The following CALML4 variants were observed in gnomAD, a reference collection of about 807,000 sequenced individuals.
The protein encoded by CALML4 is calmodulin like 4.
CALML4 carries 16 observed loss-of-function variants against 17.9 expected under a neutral mutation model. The ratio of observed to expected loss-of-function variants is 0.89; its 90% CI spans 0.61 to 1.36. The LOEUF is 1.36. Ranked by LOEUF, CALML4 falls within the 40% of genes most tolerant of loss-of-function variation. CALML4 has a pLI of 0.00. For missense variants in CALML4, 203 were observed against 194.8 expected (o/e 1.04, Z -0.25); for synonymous variants, 86 against 71.5 (o/e 1.20, Z -1.02).
chr15:68,196,423 C>T (rs1042201626), intron 4 of CALML4, among the ~76,000 whole-genome samples: 8 of 152,188 alleles, frequency 5.3e-5, no homozygotes, highest in Non-Finnish European at 1.0e-4. Flanking sequence ...CAAACCACAG[C>T]CTCAAAGCTC....
At position 68,205,079 on chromosome 15, in the gene CALML4, A is replaced by G. The variant is rs777257380; in HGVS notation, c.34+42T>C. 4.3e-6 allele frequency: 7 copies of G among 1,610,394 alleles called. No homozygotes were observed. Among genetic ancestry groups the G allele is most frequent in the African/African-American group, 4.0e-5 (3 of 74,936 alleles). On this transcript the variant is annotated intron_variant, in intron 2 of 4. Transcript: ENST00000467889. This position sits in a 1 kb window ranked among gnomAD's most constrained non-coding sequence, Gnocchi z 4.8. ...CAGAGCAAATTGCCTAATGAGACCC[A>G]TATTTTGCTGAGTTGCTAATCAAAG...
At position 68,204,491 on chromosome 15, in the gene CALML4, G is replaced by A. The variant is rs985301281; in HGVS notation, c.34+630C>T. 3.3e-5 allele frequency among the ~76,000 whole-genome samples: 5 copies of A among 152,172 alleles called. No homozygotes were observed. The highest frequency in any genetic ancestry group is 9.7e-5 in the African/African-American group (4 of 41,434). On this transcript the variant is annotated intron_variant, in intron 2 of 4. Transcript: ENST00000467889. This position sits in a 1 kb window ranked among gnomAD's most constrained non-coding sequence, Gnocchi z 6.0. ...GGGGCTGCAGCCATGAGGCTCCCCT[G>A]GCTCAGGTCTGGGCCCCCAAGTTCT...
Position 68,193,988 on chromosome 15 carries a change from C to T in CALML4, c.*27G>A, listed in dbSNP as rs751947111. 9.2e-6 allele frequency: 14 copies of T among 1,528,658 alleles called. No individual in the cohort carries two copies. Among genetic ancestry groups the T allele is most frequent in the Non-Finnish European group, 1.1e-5 (12 of 1,105,914 alleles). The allele number at this position is 1,528,658 out of a possible 1,614,324, so 94.7% of individuals were successfully genotyped here. ...ATTAATTGCTCCAAGTTTTCAGGCC[C>T]AGGGGAGGCTCTCCCATTCTCCTCC... On this transcript the variant is annotated 3_prime_UTR_variant, in exon 5 of 5. Coordinates refer to ENST00000467889, the MANE Select transcript of CALML4 (RefSeq NM_033429.3).
chr15:68,194,097 C>G lies in CALML4; in HGVS notation c.380G>C (p.Arg127Thr), dbSNP rs1249353867. 2 of 1,612,564 alleles carry G rather than the reference C, an allele frequency of 1.2e-6. No homozygotes were observed. Among genetic ancestry groups the G allele is most frequent in the Non-Finnish European group, 1.7e-6 (2 of 1,178,736 alleles). The part of the protein sequence containing the change: ...LTHKEVDDLF[R>T]EADIEPNGKV... The stretch of plus-strand genomic sequence containing the variant: ...GCCATTGGGTTCGATATCTGCTTCC[C>G]TGAAGAGATCATCCACTGCAATAAA... The change falls in exon 5 of 5, where the codon AGG (arginine) becomes ACG (threonine). Residue 127 changes from arginine to threonine, a missense_variant. Physicochemically the swap from Arg to Thr is moderately conservative, Grantham distance 71 (BLOSUM62 -1). Transcript: ENST00000467889.
chr15:68,203,391 A>T (rs1193342612), intron 2 of CALML4, among the ~76,000 whole-genome samples: 1 of 152,240 alleles, frequency 6.6e-6, no homozygotes, highest in East Asian at 1.9e-4. Context: ...TCTACTGTTA[A>T]ACTATTTCTC....
At chr15:68,196,467 C>T (rs944567122) in intron 4 of CALML4, among the ~76,000 whole-genome samples, 4 of 152,190 alleles carry the variant, frequency 2.6e-5, no homozygotes, top group Admixed American at 6.5e-5. Flanking sequence ...TAACCAGAGA[C>T]GGAAAGTCCG....
chr15:68,197,539 C>T lies in CALML4; in HGVS notation c.265G>A (p.Ala89Thr), dbSNP rs2093149761. Residue 89 changes from alanine to threonine, a missense_variant, in exon 4 of 5, where the codon GCC becomes ACC. By Grantham distance (58) the Ala-to-Thr change is moderately conservative (BLOSUM62 0). Transcript: ENST00000467889. The surrounding 1 kb of genome is among the most constrained non-coding windows in gnomAD (Gnocchi z 4.1). Reference sequence around the variant, plus strand: ...TTCTCCTTGTCCACCATCAACATGGCTAGAAGAATTTCTTTCTTTGGGTCT... The same window carrying T: ...TTCTCCTTGTCCACCATCAACATGGTTAGAAGAATTTCTTTCTTTGGGTCT... ...QEDPKKEILL[A>T]MLMVDKEKKG... 6.2e-7 allele frequency: 1 copy of T among 1,614,028 alleles called. No homozygotes were observed. Among genetic ancestry groups the T allele is most frequent in the African/African-American group, 1.3e-5 (1 of 74,912 alleles).
chr15:68,193,947 A>C lies in CALML4; in HGVS notation c.*68T>G. 1 of 1,154,282 alleles carries C rather than the reference A, an allele frequency of 8.7e-7. No homozygotes were observed. Among genetic ancestry groups the C allele is most frequent in the Non-Finnish European group, 1.3e-6 (1 of 774,186 alleles). 71.5% of individuals were successfully genotyped at this position (1,154,282 alleles called of 1,614,324 possible). On this transcript the variant is annotated 3_prime_UTR_variant, in exon 5 of 5. Coordinates refer to ENST00000467889, the MANE Select transcript of CALML4 (RefSeq NM_033429.3). The stretch of plus-strand genomic sequence containing the variant: ...TTGCCATCTCTCCCAAGTGAAAAGA[A>C]CACTTTTTAAAAAAAATTAATTGCT...
Position 68,197,739 on chromosome 15 carries a change from A to C in CALML4, c.176-111T>G. On this transcript the variant is annotated intron_variant, in intron 3 of 4. Transcript: ENST00000467889. The surrounding 1 kb of genome is among the most constrained non-coding windows in gnomAD (Gnocchi z 4.1). ...CGGTTCAAGGTCAACTGACCAGGGA[A>C]TGCCAGGATGTGGCAGTGGTCACAG... The C allele has an allele frequency of 1.1e-6, 1 of 939,498 alleles. No homozygotes were observed. The highest frequency in any genetic ancestry group is 1.6e-6 in the Non-Finnish European group (1 of 621,776). 58.2% of individuals were successfully genotyped at this position (939,498 alleles called of 1,614,324 possible).
At position 68,200,438 on chromosome 15, in the gene CALML4, G is replaced by A. The variant is rs1323527292; in HGVS notation, c.35-757C>T. Among the ~76,000 whole-genome samples the A allele has an allele frequency of 6.6e-6, 1 of 152,216 alleles. No individual in the cohort carries two copies. The highest frequency in any genetic ancestry group is 1.5e-5 in the Non-Finnish European group (1 of 68,044). On this transcript the variant is annotated intron_variant, in intron 2 of 4. Transcript: ENST00000467889. This position sits in a 1 kb window ranked among gnomAD's most constrained non-coding sequence, Gnocchi z 4.3. ...TTCTCCTTCGGTACTTGGTGGAGGTGGAAGGCAGCCGGAGCTAGCTCCCCT... is the reference window on the plus strand; with the variant it reads ...TTCTCCTTCGGTACTTGGTGGAGGTAGAAGGCAGCCGGAGCTAGCTCCCCT...
At chr15:68,205,744 G>A (rs1185741528), upstream of CALML4, 1 of 268,368 alleles carries the variant, frequency 3.7e-6, no homozygotes, top group Non-Finnish European at 7.4e-6. The surrounding 1 kb of genome is among the most constrained non-coding windows in gnomAD (Gnocchi z 4.8). Flanking sequence ...GGGCTCGCAG[G>A]CTTGGGGCTC....
At chr15:68,201,935 A>G (rs924860476) in intron 2 of CALML4, among the ~76,000 whole-genome samples, 2 of 152,002 alleles carry the variant, frequency 1.3e-5, no homozygotes, top group African/African-American at 2.4e-5. Flanking sequence ...GCCCTCTAAC[A>G]TACTAGCACA....
chr15:68,193,672 G>C lies in CALML4; in HGVS notation c.*343C>G, dbSNP rs960751267. The C allele has an allele frequency of 3.1e-5, 7 of 227,474 alleles. No individual in the cohort carries two copies. The highest frequency in any genetic ancestry group is 5.2e-5 in the Non-Finnish European group (6 of 114,790). 14.1% of individuals were successfully genotyped at this position (227,474 alleles called of 1,614,324 possible). ...TAAGAAGTGGGAATCCAGCTTGTGTGGGGGGGCTTTGAGGAGTGAAATGAT... is the reference window on the plus strand; with the variant it reads ...TAAGAAGTGGGAATCCAGCTTGTGTCGGGGGGCTTTGAGGAGTGAAATGAT... On this transcript the variant is annotated 3_prime_UTR_variant, in exon 5 of 5. Coordinates refer to ENST00000467889, the MANE Select transcript of CALML4 (RefSeq NM_033429.3).
In CALML4 at chr15:68,194,127, A is replaced by G; in HGVS notation, c.365-15T>C. On this transcript the variant is annotated splice_polypyrimidine_tract_variant and intron_variant, in intron 4 of 4. Coordinates refer to ENST00000467889, the MANE Select transcript of CALML4 (RefSeq NM_033429.3). Reference sequence around the variant, plus strand: ...GAGATCATCCACTGCAATAAATCACATTTAATTTTTCAGTTTGGCTTTAGT... The same window carrying G: ...GAGATCATCCACTGCAATAAATCACGTTTAATTTTTCAGTTTGGCTTTAGT... 1 of 1,602,908 alleles carries G rather than the reference A, an allele frequency of 6.2e-7. No individual in the cohort carries two copies.
upstream of CALML4, chr15:68,205,729 C>A (rs577679574): frequency 3.6e-6 from 1 of 278,328 alleles, no homozygotes; most frequent in Admixed American, 4.5e-5. The surrounding 1 kb of genome is among the most constrained non-coding windows in gnomAD (Gnocchi z 4.8). Flanking sequence ...CAGAGATGGG[C>A]ACCGGGGCTC....
In CALML4 at chr15:68,199,662, G is replaced by A; in HGVS notation, c.54C>T (p.Ser18=). The A allele has an allele frequency of 1.2e-6, 2 of 1,613,230 alleles. No homozygotes were observed. Among genetic ancestry groups the A allele is most frequent in the South Asian group, 1.1e-5 (1 of 91,056 alleles). The change falls in exon 3 of 5, where the codon TCC becomes TCT. Residue 18 remains serine, a synonymous_variant. Transcript: ENST00000467889. ...DQINEYKECF[S]LYDKQQRGKI... ...TCCCCCTCTGCTGCTTGTCATACAG[G>A]GAGAAGCATTCCTTGTACTCTGCAC...
At chr15:68,203,858 A>T (rs917229295) in intron 2 of CALML4, among the ~76,000 whole-genome samples, 3 of 151,938 alleles carry the variant, frequency 2.0e-5, no homozygotes, top group Non-Finnish European at 2.9e-5. Flanking sequence ...ACTGGTGGCC[A>T]CTTTCTTGGT....
chr15:68,205,037 C>T lies in CALML4; in HGVS notation c.34+84G>A, dbSNP rs2093177453. On this transcript the variant is annotated intron_variant, in intron 2 of 4. Coordinates refer to ENST00000467889, the MANE Select transcript of CALML4 (RefSeq NM_033429.3). This position sits in a 1 kb window ranked among gnomAD's most constrained non-coding sequence, Gnocchi z 4.8. ...GCTCTCCCACAGCCACCTTCCTTCC[C>T]ACCAAGAAAACATGAGCAGAGCAAA... is the stretch of plus-strand genomic sequence containing the variant. 1 of 1,524,924 alleles carries T rather than the reference C, an allele frequency of 6.6e-7. No homozygotes were observed. The highest frequency in any genetic ancestry group is 9.1e-7 in the Non-Finnish European group (1 of 1,103,432). 94.5% of individuals were successfully genotyped at this position (1,524,924 alleles called of 1,614,324 possible). A position where few individuals can be genotyped will look rare whatever the true frequency, so the allele number is the denominator to read the frequency against.
chr15:68,191,899 G>C lies in CALML4; in HGVS notation c.*2116C>G, dbSNP rs192986031. On this transcript the variant is annotated 3_prime_UTR_variant, in exon 5 of 5. Transcript: ENST00000467889. Reference sequence around the variant, plus strand: ...GAATCCCTTAATGAGCAGGGAGTCCGTGAAGAGGAGCCCCAGGTTCTAATG... The same window carrying C: ...GAATCCCTTAATGAGCAGGGAGTCCCTGAAGAGGAGCCCCAGGTTCTAATG... 2 of 152,194 alleles carry C rather than the reference G, an allele frequency of 1.3e-5. No homozygotes were observed. The highest frequency in any genetic ancestry group is 2.9e-5 in the Non-Finnish European group (2 of 68,028). The allele number at this position is 152,194 out of a possible 1,614,324, so 9.4% of individuals were successfully genotyped here.
Sources: gnomAD v4.1 joint callset for allele counts (sites outside exome capture counted in the v4.1 genomes callset) on GRCh38, gnomAD v4.1.1 for gene constraint, Gnocchi (gnomAD v3.1) non-coding constraint, MANE v1.5 for transcripts, NCBI Gene and HGNC (gene_info 2026-07-23, HGNC 2026-07-21) for gene names.